Variants in BICC1 observed in about 807,000 individuals in gnomAD.
BICC1 encodes BicC family RNA binding protein 1, also known as protein bicaudal C homolog 1.
Under a neutral mutation model 111.0 loss-of-function variants are expected in BICC1, and 43 were observed. The observed-to-expected ratio is 0.39, with a 90% CI of 0.30 to 0.50. BICC1 has a LOEUF of 0.50. Among genes scored for constraint, BICC1 ranks in the 20% least tolerant of loss-of-function variants. The pLI, the probability that BICC1 is intolerant of heterozygous loss-of-function variation, is 0.88. For synonymous variants in BICC1, 467 were observed against 434.4 expected, an observed-to-expected ratio of 1.07 and a Z score of -0.93; for missense variants, 1,091 against 1,203.2, an observed-to-expected ratio of 0.91 and a Z score of 1.38.
chr10:58,569,111 G>T (rs1279617150), intron 1 of BICC1, among the ~76,000 whole-genome samples: 1 of 152,172 alleles, frequency 6.6e-6, no homozygotes, highest in Admixed American at 6.5e-5. Context: ...TTTGATAAAA[G>T]TACACTAGAA....
chr10:58,711,485 G>A (rs1206350487), intron 3 of BICC1, among the ~76,000 whole-genome samples: 2 of 152,114 alleles, frequency 1.3e-5, no homozygotes, highest in Non-Finnish European at 2.9e-5. Flanking sequence ...GATCCTTTTC[G>A]AATATGTATT....
intron 1 of BICC1, among the ~76,000 whole-genome samples, chr10:58,542,509 TA>T (rs1271512533): frequency 1.3e-5 from 2 of 151,922 alleles, no homozygotes; most frequent in African/African-American, 4.8e-5. Context: ...GAAGCAAAAA[TA>T]GACAAATAGG....
intron 3 of BICC1, among the ~76,000 whole-genome samples, chr10:58,775,175 C>G (rs1343773519): frequency 6.6e-6 from 1 of 152,046 alleles, no homozygotes; most frequent in Non-Finnish European, 1.5e-5. Flanking sequence ...GAGTTCGAGA[C>G]CAGCCTGGCC....
chr10:58,820,564 A>T, intron 20 of BICC1, 96 bp downstream of exon 20: 1 of 807,984 alleles, frequency 1.2e-6, no homozygotes, highest in Admixed American at 1.9e-5. Context: ...CTGCTGGCTT[A>T]CTAACCTAAC....
intron 1 of BICC1, among the ~76,000 whole-genome samples, chr10:58,577,065 A>G (rs1295280500): frequency 6.6e-6 from 1 of 152,110 alleles, no homozygotes; most frequent in Non-Finnish European, 1.5e-5. Context: ...AGAGAAAGCA[A>G]CTTTGATCAG....
chr10:58,764,554 C>G (rs1232125911), intron 3 of BICC1, among the ~76,000 whole-genome samples: 3 of 151,670 alleles, frequency 2.0e-5, no homozygotes, highest in Non-Finnish European at 4.4e-5. Context: ...AGGAAAATGA[C>G]CTGAGTAAGC....
chr10:58,822,685 A>C (rs1447209832), intron 20 of BICC1, among the ~76,000 whole-genome samples: 1 of 152,122 alleles, frequency 6.6e-6, no homozygotes, highest in African/African-American at 2.4e-5. Context: ...GAACCTGGTA[A>C]ATTATTTTCT....
chr10:58,769,398 G>GTATATATATATATATATA (rs1464928653), intron 3 of BICC1, among the ~76,000 whole-genome samples: 8 of 101,630 alleles, frequency 7.9e-5, no homozygotes, highest in East Asian at 3.8e-4. Flanking sequence ...GTGTGTGTGT[G>GTATATATATATATATATA]TGTGTGTATA....
chr10:58,642,304 G>A (rs1034666799), intron 2 of BICC1, among the ~76,000 whole-genome samples: 7 of 152,108 alleles, frequency 4.6e-5, no homozygotes, highest in African/African-American at 1.4e-4. Flanking sequence ...GGCTGGGGGT[G>A]TTTTCATGTA....
At chr10:58,771,903 T>C (rs1443032617) in intron 3 of BICC1, among the ~76,000 whole-genome samples, 1 of 152,194 alleles carries the variant, frequency 6.6e-6, no homozygotes, top group African/African-American at 2.4e-5. Context: ...CACCTTTGCT[T>C]TTTGATAAAA....
At chr10:58,528,505 T>C (rs1039045534) in intron 1 of BICC1, among the ~76,000 whole-genome samples, 1 of 151,978 alleles carries the variant, frequency 6.6e-6, no homozygotes, top group African/African-American at 2.4e-5. Context: ...TATCTCTAGA[T>C]ACTTGTTTAA....
chr10:58,552,529 G>A (rs1444054748), intron 1 of BICC1, among the ~76,000 whole-genome samples: 1 of 151,970 alleles, frequency 6.6e-6, no homozygotes, highest in African/African-American at 2.4e-5. Flanking sequence ...AAGAGATGGG[G>A]TTTCACCGTG....
chr10:58,764,838 G>A (rs1842414349), intron 3 of BICC1, among the ~76,000 whole-genome samples: 1 of 152,100 alleles, frequency 6.6e-6, no homozygotes, highest in African/African-American at 2.4e-5. Context: ...TCATCAGCAT[G>A]TCTGGGAATA....
chr10:58,516,041 A>G (rs1036881234), intron 1 of BICC1, among the ~76,000 whole-genome samples: 12 of 152,208 alleles, frequency 7.9e-5, no homozygotes, highest in Admixed American at 7.2e-4. Flanking sequence ...GCATTCTAAT[A>G]TTGTTAGATA....
intron 1 of BICC1, among the ~76,000 whole-genome samples, chr10:58,582,268 A>G (rs778226121): frequency 1.3e-5 from 2 of 152,234 alleles, no homozygotes; most frequent in Non-Finnish European, 2.9e-5. Context: ...TACAGCAATA[A>G]TGAGTCATAT....
At chr10:58,826,861 G>A (rs997305274) in intron 20 of BICC1, among the ~76,000 whole-genome samples, 1 of 152,190 alleles carries the variant, frequency 6.6e-6, no homozygotes, top group African/African-American at 2.4e-5. Flanking sequence ...GATCAGGACT[G>A]CCCTTATCTA....
intron 2 of BICC1, among the ~76,000 whole-genome samples, chr10:58,625,876 T>A (rs567746239): frequency 9.8e-5 from 15 of 152,302 alleles, no homozygotes; most frequent in African/African-American, 2.6e-4. Context: ...CTTTCTCCAC[T>A]AGCGATTATT....
chr10:58,641,470 C>CT lies in BICC1; in HGVS notation c.237+20580dup, dbSNP rs879548475. ...TAGGTTGACTTCTTTTTTTTCTTTC[C>CT]TTTTTTTTTTTGCTTTCCTGGAACA... On this transcript the variant is annotated intron_variant, in intron 2 of 20. Coordinates refer to ENST00000373886, the MANE Select transcript of BICC1 (RefSeq NM_001080512.3). 6.0e-3 allele frequency among the ~76,000 whole-genome samples: 859 copies of CT among 144,338 alleles called. 6 individuals are homozygous for CT. The highest frequency in any genetic ancestry group is 0.018 in the African/African-American group (716 of 39,496). The allele number at this position is 144,338 out of a possible 152,430, so 94.7% of individuals were successfully genotyped here.
intron 2 of BICC1, among the ~76,000 whole-genome samples, chr10:58,688,857 C>T (rs996001422): frequency 7.9e-5 from 12 of 151,888 alleles, no homozygotes; most frequent in African/African-American, 2.9e-4. Context: ...GGGAGGAGAA[C>T]ATCACACACT....
Sources: allele counts gnomAD v4.1 joint callset (sites outside exome capture counted in the v4.1 genomes callset), GRCh38; gene constraint gnomAD v4.1.1; transcripts MANE v1.5; gene names NCBI Gene and HGNC (gene_info 2026-07-23, HGNC 2026-07-21).